GALNT18: variants seen among roughly 807,000 people sequenced by gnomAD.
The protein encoded by GALNT18 is GalNAc-transferase 18.
In GALNT18, 44 loss-of-function variants were observed where a neutral mutation model predicts 69.5. The observed-to-expected ratio is 0.63, with a 90% CI of 0.50 to 0.81. The LOEUF (loss-of-function observed/expected upper bound fraction) is 0.81. Ranked by LOEUF, GALNT18 falls within the 40% of genes least tolerant of loss-of-function variation. The probability of loss-of-function intolerance (pLI) is 0.00; values close to 1 mark genes in which losing one functional copy is unlikely to be tolerated. For synonymous variants in GALNT18, 364 were observed against 318.2 expected (o/e 1.14, Z -1.53); for missense variants, 715 against 810.0 (o/e 0.88, Z 1.42).
At position 11,338,899 on chromosome 11, in the gene GALNT18, G is replaced by T. The variant is rs183501231; in HGVS notation, c.1278+1920C>A. Among the ~76,000 whole-genome samples, 20 of 152,236 alleles carry T rather than the reference G, an allele frequency of 1.3e-4. No homozygotes were observed. The highest frequency in any genetic ancestry group is 5.2e-4 in the Admixed American group (8 of 15,296). On this transcript the variant is annotated intron_variant, in intron 7 of 10. Transcript: ENST00000227756. The surrounding 1 kb of genome is among the most constrained non-coding windows in gnomAD (Gnocchi z 5.3). ...ATGGAGAGAGATAAGATTCCAGGGT[G>T]TGGAATCATGGACCCAAGGAGCTAC...
At chr11:11,579,073 C>G (rs1451026107) in intron 1 of GALNT18, among the ~76,000 whole-genome samples, 1 of 152,226 alleles carries the variant, frequency 6.6e-6, no homozygotes, top group African/African-American at 2.4e-5. Flanking sequence ...TCGGGTTTCC[C>G]AGCCAGCAGC....
intron 1 of GALNT18, among the ~76,000 whole-genome samples, chr11:11,615,063 T>C (rs1235879581): frequency 1.3e-5 from 2 of 152,252 alleles, no homozygotes; most frequent in African/African-American, 4.8e-5. Flanking sequence ...GTTACTAATA[T>C]AATTTCACAT....
At chr11:11,393,082 G>A (rs1416625060) in intron 3 of GALNT18, among the ~76,000 whole-genome samples, 3 of 152,208 alleles carry the variant, frequency 2.0e-5, no homozygotes, top group African/African-American at 7.2e-5. Context: ...ATGGGAGCAG[G>A]CAGTCCAGCA....
intron 9 of GALNT18, among the ~76,000 whole-genome samples, chr11:11,326,093 G>A (rs1849913257): frequency 6.9e-6 from 1 of 144,250 alleles, no homozygotes. Flanking sequence ...CGCCCAGGCC[G>A]GACTGCAGTA....
At position 11,604,209 on chromosome 11, in the gene GALNT18, CTAAGA is replaced by C. The variant is rs560083021; in HGVS notation, c.235+17145_235+17149del. ...ATTTTGTTATAGCAGCCCAAATAGA[CTAAGA>C]TACCACTTTTCAAAGATTGTGTTGG... On this transcript the variant is annotated intron_variant, in intron 1 of 10. Transcript: ENST00000227756. This position sits in a 1 kb window ranked among gnomAD's most constrained non-coding sequence, Gnocchi z 5.6. Among the ~76,000 whole-genome samples, 8 of 152,324 alleles carry C rather than the reference CTAAGA, an allele frequency of 5.3e-5. No homozygotes were observed. Among genetic ancestry groups the C allele is most frequent in the Admixed American group, 2.6e-4 (4 of 15,302 alleles).
chr11:11,396,428 T>C lies in GALNT18; in HGVS notation c.596-17164A>G, dbSNP rs112725443. Among the ~76,000 whole-genome samples, 14 of 152,020 alleles carry C rather than the reference T, an allele frequency of 9.2e-5. No homozygotes were observed. The highest frequency in any genetic ancestry group is 2.4e-4 in the African/African-American group (10 of 41,382). ...GGGTTACTATGGAGAGCTGCAGGGA[T>C]GATGGAGAAAGAATTCACGTGTGGG... On this transcript the variant is annotated intron_variant, in intron 3 of 10. Coordinates refer to ENST00000227756, the MANE Select transcript of GALNT18 (RefSeq NM_198516.3). The surrounding 1 kb of genome is among the most constrained non-coding windows in gnomAD (Gnocchi z 5.2).
rs557890147 is a variant in GALNT18, at chr11:11,470,749, G to A, written c.236-21813C>T. Among the ~76,000 whole-genome samples, 29 of 152,178 alleles carry A rather than the reference G, an allele frequency of 1.9e-4. No homozygotes were observed. The highest frequency in any genetic ancestry group is 6.7e-4 in the African/African-American group (28 of 41,522). On this transcript the variant is annotated intron_variant, in intron 1 of 10. Transcript: ENST00000227756. This position sits in a 1 kb window ranked among gnomAD's most constrained non-coding sequence, Gnocchi z 4.8. ...TTCCTGCCCCTGTGAGCCCTGTGCTGGGCAGCATCTCCCCAGACTACAGAA... is the reference window on the plus strand; with the variant it reads ...TTCCTGCCCCTGTGAGCCCTGTGCTAGGCAGCATCTCCCCAGACTACAGAA...
intron 2 of GALNT18, among the ~76,000 whole-genome samples, chr11:11,445,368 A>G (rs1024784281): frequency 1.3e-5 from 2 of 152,256 alleles, no homozygotes; most frequent in African/African-American, 2.4e-5. Flanking sequence ...TTAAGTGACA[A>G]ACATATGCCT....
At chr11:11,348,307 G>C (rs1438653945) in intron 6 of GALNT18, among the ~76,000 whole-genome samples, 1 of 151,492 alleles carries the variant, frequency 6.6e-6, no homozygotes, top group Non-Finnish European at 1.5e-5. Context: ...GAACCCAGGA[G>C]GCGGAGATTG....
chr11:11,273,233 A>C (rs1848864229), intron 10 of GALNT18, among the ~76,000 whole-genome samples: 1 of 134,216 alleles, frequency 7.5e-6, no homozygotes, highest in Non-Finnish European at 1.8e-5. Context: ...GCTTCTGCAC[A>C]GCAAAGGAAA....
intron 1 of GALNT18, among the ~76,000 whole-genome samples, chr11:11,557,764 TTGACTC>T (rs1447887029): frequency 6.6e-6 from 1 of 152,148 alleles, no homozygotes; most frequent in African/African-American, 2.4e-5. Context: ...CCCAGTTCCT[TTGACTC>T]TGAGCAAGGT....
intron 10 of GALNT18, among the ~76,000 whole-genome samples, chr11:11,277,730 CT>C (rs1304762326): frequency 6.6e-6 from 1 of 152,144 alleles, no homozygotes; most frequent in Non-Finnish European, 1.5e-5. Flanking sequence ...CAAAGAACAT[CT>C]TTTATTCTGC....
rs905621071 is a variant in GALNT18 at position 11,621,566 on chromosome 11, A to T, written c.28T>A (p.Leu10Met). Residue 10 changes from leucine (L) to methionine (M), a missense_variant, in exon 1 of 11, where the codon TTG (leucine) becomes ATG (methionine). Leu to Met is a conservative substitution (Grantham distance 15, BLOSUM62 2). Transcript: ENST00000227756. The surrounding 1 kb of genome is among the most constrained non-coding windows in gnomAD (Gnocchi z 9.3). ...CTCAGGATCACGCAAGTGGACACCA[A>T]AGTTTTGGTCTTCCTGGTGCACACC... MVCTRKTKT[L>M]VSTCVILSGM... 6.2e-7 allele frequency: 1 copy of T among 1,610,700 alleles called. No homozygotes were observed. Among genetic ancestry groups the T allele is most frequent in the Non-Finnish European group, 8.5e-7 (1 of 1,178,290 alleles).
At chr11:11,427,577 A>G (rs917702487) in intron 3 of GALNT18, among the ~76,000 whole-genome samples, 2 of 152,146 alleles carry the variant, frequency 1.3e-5, no homozygotes, top group African/African-American at 2.4e-5. Flanking sequence ...ACAACCCCTG[A>G]GGTGGGAATT....
rs1019305204 is a variant in GALNT18 at position 11,616,026 on chromosome 11, G to A, written c.235+5333C>T. ...CTTCTTTTTTTCTTTGTAGAGATGG[G>A]GGTCTCACCATGTTGTCCAGGTTGG... is the stretch of plus-strand genomic sequence containing the variant. On this transcript the variant is annotated intron_variant, in intron 1 of 10. Coordinates refer to ENST00000227756, the MANE Select transcript of GALNT18 (RefSeq NM_198516.3). This position sits in a 1 kb window ranked among gnomAD's most constrained non-coding sequence, Gnocchi z 4.4. 6.6e-6 allele frequency among the ~76,000 whole-genome samples: 1 copy of A among 151,518 alleles called. No individual in the cohort carries two copies. Among genetic ancestry groups the A allele is most frequent in the African/African-American group, 2.4e-5 (1 of 41,136 alleles).
intron 10 of GALNT18, among the ~76,000 whole-genome samples, chr11:11,288,502 G>A (rs1266363789): frequency 6.6e-6 from 1 of 152,108 alleles, no homozygotes; most frequent in Admixed American, 6.5e-5. Flanking sequence ...CTCATCATTC[G>A]GTTCCATTGT....
rs1859157637 is a variant in GALNT18 at position 11,584,123 on chromosome 11, A to T, written c.235+37236T>A. 6.6e-6 allele frequency among the ~76,000 whole-genome samples: 1 copy of T among 151,980 alleles called. No homozygotes were observed. Among genetic ancestry groups the T allele is most frequent in the Non-Finnish European group, 1.5e-5 (1 of 67,996 alleles). On this transcript the variant is annotated intron_variant, in intron 1 of 10. Coordinates refer to ENST00000227756, the MANE Select transcript of GALNT18 (RefSeq NM_198516.3). This position sits in a 1 kb window ranked among gnomAD's most constrained non-coding sequence, Gnocchi z 4.1. ...ACATACGGAGAGAAGTAAAAAGGGG[A>T]AGTAGAAGAAGCGGCCCCTGAGATT...
At chr11:11,416,403 C>A (rs1854858108) in intron 3 of GALNT18, among the ~76,000 whole-genome samples, 1 of 152,192 alleles carries the variant, frequency 6.6e-6, no homozygotes, top group South Asian at 2.1e-4. Flanking sequence ...GGTCGGGACA[C>A]CCTGCCAAGG....
At chr11:11,397,562 C>A (rs940701262) in intron 3 of GALNT18, among the ~76,000 whole-genome samples, 1 of 152,176 alleles carries the variant, frequency 6.6e-6, no homozygotes, top group Non-Finnish European at 1.5e-5. Context: ...CTCCCCGGTT[C>A]AAGTGATTCT....
Sources: allele counts gnomAD v4.1 joint callset (sites outside exome capture counted in the v4.1 genomes callset), GRCh38; gene constraint gnomAD v4.1.1; non-coding constraint Gnocchi (gnomAD v3.1); transcripts MANE v1.5; gene names NCBI Gene and HGNC (gene_info 2026-07-23, HGNC 2026-07-21).